CSMD1: variants seen among roughly 807,000 people sequenced by gnomAD.
CSMD1 encodes the protein CUB and Sushi multiple domains 1.
Under a neutral mutation model 417.5 loss-of-function variants are expected in CSMD1, and 213 were observed. The observed-to-expected ratio is 0.51, with a 90% confidence interval of 0.46 to 0.57. The LOEUF is 0.57. CSMD1 is among the 20% of genes least tolerant of loss of function. The probability of loss-of-function intolerance (pLI) is 0.00; values close to 1 mark genes in which losing one functional copy is unlikely to be tolerated. For synonymous variants in CSMD1, 2,862 were observed against 1,736.8 expected, an observed-to-expected ratio of 1.65 and a Z score of -16.11; for missense variants, 6,923 against 4,529.7, an observed-to-expected ratio of 1.53 and a Z score of -15.17.
chr8:3,675,465 T>C (rs1483497134), intron 7 of CSMD1, among the ~76,000 whole-genome samples: 1 of 152,198 alleles, frequency 6.6e-6, no homozygotes, highest in Non-Finnish European at 1.5e-5. Context: ...AGAAGGTGAT[T>C]GCAATGGACT....
intron 8 of CSMD1, among the ~76,000 whole-genome samples, chr8:3,615,920 G>A (rs868351240): frequency 6.6e-6 from 1 of 152,088 alleles, no homozygotes; most frequent in Non-Finnish European, 1.5e-5. Context: ...AAAATCTAAA[G>A]TAATAGGACT....
At chr8:3,462,307 G>T (rs547147602) in intron 12 of CSMD1, among the ~76,000 whole-genome samples, 3 of 152,248 alleles carry the variant, frequency 2.0e-5, no homozygotes, top group Admixed American at 1.3e-4. Context: ...CCTCCCTGTA[G>T]CATCATTTAA....
chr8:4,761,000 A>T (rs6982167), intron 1 of CSMD1, among the ~76,000 whole-genome samples: 15,581 of 152,018 alleles, frequency 0.1, 834 homozygotes, highest in African/African-American at 0.11. Flanking sequence ...TCCCTTTATC[A>T]TTGTGAGTAG....
rs969117267 is a variant in CSMD1, at chr8:2,935,975, G to C, written c.*2610C>G. ...CTCACGCGTGTTCCCGTTGCCTTCAGGGAAGAGTCTTCTAGACCTAACTCA... is the reference window on the plus strand; with the variant it reads ...CTCACGCGTGTTCCCGTTGCCTTCACGGAAGAGTCTTCTAGACCTAACTCA... On this transcript the variant is annotated 3_prime_UTR_variant, in exon 70 of 70. Coordinates refer to ENST00000635120, the MANE Select transcript of CSMD1 (RefSeq NM_033225.6). 1.3e-5 allele frequency: 2 copies of C among 152,214 alleles called. No individual in the cohort carries two copies. Among genetic ancestry groups the C allele is most frequent in the African/African-American group, 4.8e-5 (2 of 41,470 alleles). The allele number at this position is 152,214 out of a possible 1,614,324, so 9.4% of individuals were successfully genotyped here.
chr8:4,825,872 T>C (rs1429572914), intron 1 of CSMD1, among the ~76,000 whole-genome samples: 4 of 150,978 alleles, frequency 2.6e-5, no homozygotes, highest in African/African-American at 7.3e-5. Context: ...AATTGTCCAA[T>C]AAGCACATGA....
At chr8:3,652,964 G>A (rs1165834495) in intron 7 of CSMD1, among the ~76,000 whole-genome samples, 2 of 152,096 alleles carry the variant, frequency 1.3e-5, no homozygotes, top group Non-Finnish European at 2.9e-5. Flanking sequence ...TCTCCTGACT[G>A]CTTTCAAGTA....
Position 3,359,351 on chromosome 8 carries a change from C to G in CSMD1, c.3116-11G>C. On this transcript the variant is annotated splice_polypyrimidine_tract_variant and intron_variant, in intron 20 of 69. Transcript: ENST00000635120. ...GCTCCAGGTCATATTCTGAGGCATGCAGAGACAGAGTAAATGCATGAGGAT... is the reference window on the plus strand; with the variant it reads ...GCTCCAGGTCATATTCTGAGGCATGGAGAGACAGAGTAAATGCATGAGGAT... The G allele has an allele frequency of 1.9e-6, 3 of 1,606,722 alleles. No individual in the cohort carries two copies. The highest frequency in any genetic ancestry group is 1.1e-5 in the South Asian group (1 of 90,734).
At position 3,481,950 on chromosome 8, in the gene CSMD1, G is replaced by A. The variant is rs889373752; in HGVS notation, c.1448+11673C>T. 2.0e-5 allele frequency among the ~76,000 whole-genome samples: 3 copies of A among 152,270 alleles called. No homozygotes were observed. The South Asian group carries it at 6.2e-4, about 32-fold the overall frequency. On this transcript the variant is annotated intron_variant, in intron 11 of 69. Transcript: ENST00000635120. Reference sequence around the variant, plus strand: ...GTTTGTGGAATATTCTATAGTAACAGTAGGAAATAAATGTATCAGTAGACT... The same window carrying A: ...GTTTGTGGAATATTCTATAGTAACAATAGGAAATAAATGTATCAGTAGACT...
At chr8:4,095,737 T>G (rs1195996642) in intron 3 of CSMD1, among the ~76,000 whole-genome samples, 1 of 152,224 alleles carries the variant, frequency 6.6e-6, no homozygotes, top group African/African-American at 2.4e-5. Flanking sequence ...TCAAGTCACG[T>G]AGTTTTATTT....
chr8:4,736,484 A>C (rs1810243696), intron 1 of CSMD1, among the ~76,000 whole-genome samples: 1 of 152,110 alleles, frequency 6.6e-6, no homozygotes, highest in Non-Finnish European at 1.5e-5. Flanking sequence ...AGAAAAACTA[A>C]AGAAGTCAGA....
intron 1 of CSMD1, among the ~76,000 whole-genome samples, chr8:4,928,846 G>A (rs1807049578): frequency 6.6e-6 from 1 of 152,090 alleles, no homozygotes. Flanking sequence ...GAGGTGAGTG[G>A]ATCACCTGAG....
intron 3 of CSMD1, among the ~76,000 whole-genome samples, chr8:4,335,170 C>G (rs954327312): frequency 6.6e-6 from 1 of 152,110 alleles, no homozygotes; most frequent in Non-Finnish European, 1.5e-5. Context: ...TCCCAAGGTG[C>G]TGGGATTACA....
rs893655991 is a variant in CSMD1, at chr8:4,814,760, T to C, written c.86-177202A>G. The stretch of plus-strand genomic sequence containing the variant: ...TTTGTCCTAACATTGAGATCATTGA[T>C]AAGGAAATGTTCTAAAATTTCAAAA... On this transcript the variant is annotated intron_variant, in intron 1 of 69. Coordinates refer to ENST00000635120, the MANE Select transcript of CSMD1 (RefSeq NM_033225.6). Among the ~76,000 whole-genome samples, 9 of 152,188 alleles carry C rather than the reference T, an allele frequency of 5.9e-5. No individual in the cohort carries two copies. In the East Asian group the frequency reaches 1.2e-3, roughly 20 times the overall value.
chr8:3,792,563 G>T (rs1238265466), intron 5 of CSMD1, among the ~76,000 whole-genome samples: 2 of 152,116 alleles, frequency 1.3e-5, no homozygotes, highest in African/African-American at 2.4e-5. Flanking sequence ...CTTTGGAATT[G>T]ACTCCTCCTT....
Position 4,777,322 on chromosome 8 carries a change from C to G in CSMD1, c.86-139764G>C, listed in dbSNP as rs145153663. 2.9e-3 allele frequency among the ~76,000 whole-genome samples: 436 copies of G among 152,248 alleles called. 3 individuals carry two copies. Among genetic ancestry groups the G allele is most frequent in the African/African-American group, 0.01 (416 of 41,552 alleles). ...GGTGGACGAAACCAGAAAACTGGGACTAGTAAATGAGAGAGTGCCTTTGGT... is the reference window on the plus strand; with the variant it reads ...GGTGGACGAAACCAGAAAACTGGGAGTAGTAAATGAGAGAGTGCCTTTGGT... On this transcript the variant is annotated intron_variant, in intron 1 of 69. Coordinates refer to ENST00000635120, the MANE Select transcript of CSMD1 (RefSeq NM_033225.6).
chr8:4,673,620 C>G (rs1194344841), intron 1 of CSMD1, among the ~76,000 whole-genome samples: 2 of 152,124 alleles, frequency 1.3e-5, no homozygotes, highest in African/African-American at 4.8e-5. Flanking sequence ...TACCTCTATT[C>G]TAGGAATCAT....
In CSMD1 at chr8:3,752,162, C is replaced by T. The variant is rs372730088; in HGVS notation, c.931+1768G>A. ...AACTACAGCCACAGTATATGGCAGT[C>T]ACAAGATAACGGCAGATATGGGGAG... On this transcript the variant is annotated intron_variant, in intron 6 of 69. Coordinates refer to ENST00000635120, the MANE Select transcript of CSMD1 (RefSeq NM_033225.6). 1.2e-4 allele frequency among the ~76,000 whole-genome samples: 19 copies of T among 152,236 alleles called. No individual in the cohort carries two copies. In the East Asian group the frequency reaches 3.5e-3, roughly 28 times the overall value.
intron 26 of CSMD1, among the ~76,000 whole-genome samples, chr8:3,276,328 T>A (rs1242226424): frequency 6.6e-6 from 1 of 152,170 alleles, no homozygotes. Context: ...TCTTCAAAGC[T>A]CAGATGGAAA....
At chr8:3,841,221 G>A (rs1245599287) in intron 5 of CSMD1, among the ~76,000 whole-genome samples, 1 of 152,102 alleles carries the variant, frequency 6.6e-6, no homozygotes, top group Non-Finnish European at 1.5e-5. Context: ...CAATAAACTT[G>A]TTTGGAAAGG....
Sources: gnomAD v4.1 joint callset for allele counts (sites outside exome capture counted in the v4.1 genomes callset) on GRCh38, gnomAD v4.1.1 for gene constraint, MANE v1.5 for transcripts, NCBI Gene and HGNC (gene_info 2026-07-23, HGNC 2026-07-21) for gene names.